BLTP2: variants seen among roughly 807,000 people sequenced by gnomAD.
BLTP2 encodes U937-associated antigen.
chr17:28,630,925 A>G, the BLTP2 span, among the ~76,000 whole-genome samples: 1 of 152,202 alleles, frequency 6.6e-6, no homozygotes, highest in Non-Finnish European at 1.5e-5. Context: ...TATTTTTAGG[A>G]GAGAAAGAAA....
At chr17:28,622,318 T>C in the BLTP2 span, among the ~76,000 whole-genome samples, 1 of 152,198 alleles carries the variant, frequency 6.6e-6, no homozygotes, top group Non-Finnish European at 1.5e-5. Context: ...AACCGGTCCC[T>C]TACACGGCTT....
the BLTP2 span, chr17:28,637,694 C>CA: frequency 6.8e-5 from 46 of 680,228 alleles, no homozygotes; most frequent in Middle Eastern, 8.6e-4. Flanking sequence ...TTTTTGGAGA[C>CA]AGAGTCTCGC....
the BLTP2 span, chr17:28,645,122 C>G: frequency 2.2e-6 from 3 of 1,382,016 alleles, no homozygotes; most frequent in Non-Finnish European, 2.9e-6. Context: ...GCCGGATCCG[C>G]GCAGCACCGC....
chr17:28,635,105 ACT>A, the BLTP2 span: 1 of 1,610,240 alleles, frequency 6.2e-7, no homozygotes, highest in South Asian at 1.1e-5. Flanking sequence ...TGATAAGGAA[ACT>A]CCACCGAGAC....
chr17:28,616,820 T>C, the BLTP2 span: 3 of 1,608,870 alleles, frequency 1.9e-6, no homozygotes, highest in East Asian at 2.2e-5. This position sits in a 1 kb window ranked among gnomAD's most constrained non-coding sequence, Gnocchi z 4.8. Context: ...CTACTCCTAA[T>C]ATCGTGTAAC....
the BLTP2 span, chr17:28,642,809 C>T: frequency 1.1e-6 from 1 of 895,366 alleles, no homozygotes; most frequent in East Asian, 2.4e-5. Context: ...GATAAGGAGG[C>T]CCTGAAGCAA....
chr17:28,630,485 T>G, the BLTP2 span, among the ~76,000 whole-genome samples: 1 of 143,242 alleles, frequency 7.0e-6, no homozygotes, highest in South Asian at 2.4e-4. Context: ...TTTTTTTTTT[T>G]TTTTTGTATT....
the BLTP2 span, chr17:28,633,728 C>A: frequency 4.3e-6 from 7 of 1,613,952 alleles, no homozygotes; most frequent in Non-Finnish European, 5.1e-6. Context: ...GGGCCCCACA[C>A]CACTGTGTAC....
the BLTP2 span, among the ~76,000 whole-genome samples, chr17:28,622,523 G>A: frequency 6.6e-6 from 1 of 152,306 alleles, no homozygotes; most frequent in East Asian, 1.9e-4. Context: ...AACTCATATA[G>A]GGGGTGTACC....
chr17:28,615,253 G>A, the BLTP2 span: 4 of 1,595,852 alleles, frequency 2.5e-6, no homozygotes, highest in Non-Finnish European at 3.4e-6. Context: ...TTACCTGGCA[G>A]ATTGGAGAGG....
the BLTP2 span, chr17:28,628,212 C>T: frequency 1.4e-6 from 2 of 1,480,368 alleles, no homozygotes; most frequent in Non-Finnish European, 1.9e-6. Context: ...CTGTCCAAGC[C>T]CATATCCATG....
the BLTP2 span, chr17:28,631,725 G>A: frequency 1.9e-6 from 3 of 1,608,480 alleles, no homozygotes; most frequent in Middle Eastern, 1.7e-4. Context: ...CCAGTTCAGA[G>A]GATAGTGTAA....
chr17:28,615,200 A>C, the BLTP2 span: 1 of 1,613,654 alleles, frequency 6.2e-7, no homozygotes, highest in Non-Finnish European at 8.5e-7. Flanking sequence ...CTTTCCCCGG[A>C]CCTCAGAGCC....
the BLTP2 span, chr17:28,616,492 G>A: frequency 6.2e-7 from 1 of 1,614,172 alleles, no homozygotes; most frequent in Non-Finnish European, 8.5e-7. This position sits in a 1 kb window ranked among gnomAD's most constrained non-coding sequence, Gnocchi z 4.8. Flanking sequence ...AGCTGCCGAG[G>A]CTTCACCACT....
the BLTP2 span, chr17:28,628,401 C>T: frequency 1.9e-6 from 3 of 1,614,062 alleles, no homozygotes; most frequent in African/African-American, 4.0e-5. Context: ...CCTTCAGGGC[C>T]TCAGTAGAAA....
the BLTP2 span, chr17:28,617,179 T>C: frequency 1.4e-6 from 2 of 1,454,404 alleles, no homozygotes; most frequent in Non-Finnish European, 1.9e-6. Context: ...CCGTTATAAA[T>C]GCCCCGTGCT....
At chr17:28,643,063 C>A in the BLTP2 span, 1 of 1,535,182 alleles carries the variant, frequency 6.5e-7, no homozygotes, top group African/African-American at 1.4e-5. Flanking sequence ...GAAAGAGGGG[C>A]AGCTCTTAGC....
At chr17:28,633,714 G>A in the BLTP2 span, 1 of 1,614,020 alleles carries the variant, frequency 6.2e-7, no homozygotes, top group South Asian at 1.1e-5. Flanking sequence ...CTGGATCCCA[G>A]CATGGGCCCC....
the BLTP2 span, chr17:28,616,762 G>GA: frequency 6.2e-7 from 1 of 1,613,544 alleles, no homozygotes; most frequent in Non-Finnish European, 8.5e-7. This position sits in a 1 kb window ranked among gnomAD's most constrained non-coding sequence, Gnocchi z 4.8. Context: ...ACCTAAAAAG[G>GA]AAAAAGATTC....
Sources: allele counts gnomAD v4.1 joint callset (sites outside exome capture counted in the v4.1 genomes callset), GRCh38; gene constraint gnomAD v4.1.1; non-coding constraint Gnocchi (gnomAD v3.1); transcripts MANE v1.5; gene names NCBI Gene and HGNC (gene_info 2026-07-23, HGNC 2026-07-21).